The following SGCZ variants were observed in gnomAD, a reference collection of about 807,000 sequenced individuals.
SGCZ encodes sarcoglycan zeta, also known as zeta-sarcoglycan.
A neutral mutation model predicts 41.3 loss-of-function variants in SGCZ; 40 were observed. The observed-to-expected ratio is 0.97, with a 90% confidence interval of 0.75 to 1.26. SGCZ has a LOEUF of 1.26. Ranked by LOEUF, SGCZ falls within the 50% of genes most tolerant of loss-of-function variation. SGCZ has a pLI of 0.00. For missense variants in SGCZ, 552 were observed against 369.8 expected (o/e 1.49, Z -4.04); for synonymous variants, 206 against 137.5 (o/e 1.50, Z -3.49).
chr8:14,129,554 A>G (rs1387162198), intron 5 of SGCZ, among the ~76,000 whole-genome samples: 1 of 151,912 alleles, frequency 6.6e-6, no homozygotes, highest in African/African-American at 2.4e-5. Flanking sequence ...AAATTTTGCA[A>G]CAAAGGCAGG....
intron 2 of SGCZ, among the ~76,000 whole-genome samples, chr8:14,543,985 C>A (rs1803547895): frequency 6.6e-6 from 1 of 151,998 alleles, no homozygotes; most frequent in Non-Finnish European, 1.5e-5. Context: ...TTACCTACCC[C>A]AAAGCTTCAC....
chr8:14,200,759 T>C (rs1805429498), intron 4 of SGCZ, among the ~76,000 whole-genome samples: 1 of 152,150 alleles, frequency 6.6e-6, no homozygotes, highest in Non-Finnish European at 1.5e-5. Flanking sequence ...TTATTAACTA[T>C]GGCACCCAAA....
At chr8:14,587,734 G>A (rs1407665146) in intron 1 of SGCZ, among the ~76,000 whole-genome samples, 4 of 152,118 alleles carry the variant, frequency 2.6e-5, no homozygotes. Context: ...ATTTTTAAAT[G>A]ATGTTCAATA....
chr8:15,195,890 A>ATTTTTT (rs10548247), intron 1 of SGCZ, among the ~76,000 whole-genome samples: 8 of 73,148 alleles, frequency 1.1e-4, no homozygotes, highest in African/African-American at 2.1e-4. Context: ...TTAGGCTTCG[A>ATTTTTT]TTTTTTTTTT....
chr8:14,274,279 T>A (rs1800159371), intron 3 of SGCZ, among the ~76,000 whole-genome samples: 1 of 152,140 alleles, frequency 6.6e-6, no homozygotes, highest in Non-Finnish European at 1.5e-5. Context: ...TTTGTGGAGT[T>A]CACTGGAAAT....
At chr8:14,237,759 G>C (rs1054918146) in intron 3 of SGCZ, 80 bp from the exon 4 acceptor site, 2 of 1,305,376 alleles carry the variant, frequency 1.5e-6, no homozygotes, top group Non-Finnish European at 2.2e-6. Flanking sequence ...CATTTGTTTG[G>C]ATATTCTGAA....
intron 1 of SGCZ, among the ~76,000 whole-genome samples, chr8:14,740,435 G>T (rs1799167171): frequency 6.6e-6 from 1 of 151,918 alleles, no homozygotes; most frequent in African/African-American, 2.4e-5. Flanking sequence ...TTACTTCACA[G>T]GCTACCAAAG....
chr8:14,731,027 A>T (rs2130237799), intron 1 of SGCZ, among the ~76,000 whole-genome samples: 1 of 151,824 alleles, frequency 6.6e-6, no homozygotes, highest in East Asian at 1.9e-4. Context: ...CAGCAACCCC[A>T]TTACTAGGTA....
In SGCZ at chr8:14,551,507, TTA is replaced by T. The variant is rs1803830700; in HGVS notation, c.234+3223_234+3224del. On this transcript the variant is annotated intron_variant, in intron 2 of 7. Transcript: ENST00000382080. The stretch of plus-strand genomic sequence containing the variant: ...ATATATATTATATATATTATATATA[TTA>T]TATATATTATATATAATATATATAA... 2.3e-3 allele frequency among the ~76,000 whole-genome samples: 12 copies of T among 5,194 alleles called. 1 individual carries two copies. Among genetic ancestry groups the T allele is most frequent in the South Asian group, 5.6e-3 (1 of 178 alleles). The allele number at this position is 5,194 out of a possible 152,430, so 3.4% of individuals were successfully genotyped here.
At chr8:14,987,471 C>G (rs1801861621) in intron 1 of SGCZ, among the ~76,000 whole-genome samples, 1 of 151,908 alleles carries the variant, frequency 6.6e-6, no homozygotes, top group African/African-American at 2.4e-5. Context: ...GATCATCTTT[C>G]TGCTGTGAAA....
intron 2 of SGCZ, among the ~76,000 whole-genome samples, chr8:14,394,417 G>C (rs1407716246): frequency 1.3e-5 from 2 of 152,008 alleles, no homozygotes; most frequent in African/African-American, 2.4e-5. Flanking sequence ...TCAAAGTGCT[G>C]GGATTACAGG....
chr8:15,169,243 G>A (rs575183701), intron 1 of SGCZ, among the ~76,000 whole-genome samples: 3 of 152,240 alleles, frequency 2.0e-5, no homozygotes, highest in Non-Finnish European at 2.9e-5. Flanking sequence ...GCAGTTAGAT[G>A]TACTTCTTTA....
At chr8:14,305,526 T>C (rs913668245) in intron 3 of SGCZ, among the ~76,000 whole-genome samples, 1 of 152,152 alleles carries the variant, frequency 6.6e-6, no homozygotes, top group Non-Finnish European at 1.5e-5. Flanking sequence ...AAAAATAAAA[T>C]TAATCTTATT....
chr8:14,867,015 C>T (rs1369098061), intron 1 of SGCZ, among the ~76,000 whole-genome samples: 1 of 152,068 alleles, frequency 6.6e-6, no homozygotes, highest in Non-Finnish European at 1.5e-5. Flanking sequence ...AACTGAAATT[C>T]TGTAGGAGCT....
At chr8:14,161,185 A>T (rs1255027747) in intron 5 of SGCZ, 1 of 152,212 alleles carries the variant, frequency 6.6e-6, no homozygotes, top group Non-Finnish European at 1.5e-5. Flanking sequence ...TGAGGTTACT[A>T]GTCAATCTTA....
At chr8:14,438,518 C>A (rs556387724) in intron 2 of SGCZ, among the ~76,000 whole-genome samples, 1 of 151,882 alleles carries the variant, frequency 6.6e-6, no homozygotes, top group African/African-American at 2.4e-5. Flanking sequence ...CTATTCTAGA[C>A]TTGTACATGC....
At chr8:14,802,851 A>T (rs914998957) in intron 1 of SGCZ, among the ~76,000 whole-genome samples, 2 of 152,138 alleles carry the variant, frequency 1.3e-5, no homozygotes, top group Non-Finnish European at 2.9e-5. Flanking sequence ...ACACCAAAGC[A>T]TCCTGTTACA....
intron 1 of SGCZ, among the ~76,000 whole-genome samples, chr8:14,650,535 T>C (rs1807363586): frequency 6.6e-6 from 1 of 151,954 alleles, no homozygotes; most frequent in East Asian, 1.9e-4. Context: ...GGCCCCAGTG[T>C]CTGCTGTTTC....
chr8:14,809,917 T>G (rs1265108419), intron 1 of SGCZ, among the ~76,000 whole-genome samples: 1 of 152,126 alleles, frequency 6.6e-6, no homozygotes, highest in Admixed American at 6.6e-5. Context: ...TACAGCTGAT[T>G]AGATGGATAT....
Sources: gnomAD v4.1 joint callset for allele counts (sites outside exome capture counted in the v4.1 genomes callset) on GRCh38, gnomAD v4.1.1 for gene constraint, MANE v1.5 for transcripts, NCBI Gene and HGNC (gene_info 2026-07-23, HGNC 2026-07-21) for gene names.